Variants in LAMA2 observed in about 807,000 individuals in gnomAD.
LAMA2 encodes laminin subunit alpha-2.
A neutral mutation model predicts 364.8 loss-of-function variants in LAMA2; 269 were observed. That is an observed-to-expected ratio of 0.74 (90% CI 0.67 to 0.82). LAMA2 has a LOEUF of 0.82. LAMA2 is among the 40% of genes least tolerant of loss of function. The pLI, the probability that LAMA2 is intolerant of heterozygous loss-of-function variation, is 0.00. For synonymous variants in LAMA2, 1,379 were observed against 1,370.6 expected, an observed-to-expected ratio of 1.01 and a Z score of -0.14; for missense variants, 3,807 against 3,873.2, an observed-to-expected ratio of 0.98 and a Z score of 0.45.
intron 45 of LAMA2, 74 bp from the exon 46 acceptor site, chr6:129,452,914 G>C: frequency 6.2e-6 from 8 of 1,293,800 alleles, no homozygotes; most frequent in Non-Finnish European, 7.8e-6. Context: ...TGATGGCTTT[G>C]TGGTTGTATG....
At chr6:128,995,480 C>T (rs1783872566) in intron 1 of LAMA2, among the ~76,000 whole-genome samples, 1 of 152,156 alleles carries the variant, frequency 6.6e-6, no homozygotes, top group Admixed American at 6.5e-5. Context: ...TGCCACCACG[C>T]CTGGATAACT....
At chr6:128,929,570 T>C in intron 1 of LAMA2, 3 of 1,083,144 alleles carry the variant, frequency 2.8e-6, no homozygotes, top group Non-Finnish European at 4.3e-6. Context: ...TCATGAGACT[T>C]GATCCTGCAG....
chr6:129,150,733 TCAAGATGGGGATCTTAGCCATAAAGC>T (rs1463785050), intron 7 of LAMA2, among the ~76,000 whole-genome samples: 2 of 152,116 alleles, frequency 1.3e-5, no homozygotes, highest in African/African-American at 4.8e-5. Context: ...ACGCAGAAAT[TCAAGATGGGGATCTTAGCCATAAAGC>T]CATACATAAA....
At chr6:129,512,841 G>A (rs1786712186) in intron 63 of LAMA2, among the ~76,000 whole-genome samples, 1 of 152,134 alleles carries the variant, frequency 6.6e-6, no homozygotes, top group Non-Finnish European at 1.5e-5. Context: ...GACTCCAGTG[G>A]GAGAAAAGGC....
At chr6:129,325,975 G>A (rs148591874) in intron 28 of LAMA2, among the ~76,000 whole-genome samples, 1 of 152,088 alleles carries the variant, frequency 6.6e-6, no homozygotes, top group East Asian at 1.9e-4. Context: ...GAGTAGTTGG[G>A]ACTACAGACA....
intron 1 of LAMA2, among the ~76,000 whole-genome samples, chr6:128,949,836 A>G (rs1254984194): frequency 3.3e-5 from 5 of 152,200 alleles, no homozygotes; most frequent in Non-Finnish European, 7.3e-5. Flanking sequence ...ATAAGGGCAT[A>G]TATTTGGTGT....
chr6:129,305,067 A>G (rs1288657838), intron 22 of LAMA2, among the ~76,000 whole-genome samples: 4 of 152,096 alleles, frequency 2.6e-5, no homozygotes, highest in African/African-American at 7.2e-5. Context: ...CACTTCTCTC[A>G]GGTTTTATTC....
chr6:129,174,465 C>A (rs545155717), intron 9 of LAMA2, among the ~76,000 whole-genome samples: 3 of 150,894 alleles, frequency 2.0e-5, no homozygotes, highest in African/African-American at 7.3e-5. Flanking sequence ...ATATGGACTT[C>A]ATTTTCTTAT....
At chr6:129,301,422 G>A (rs1449095998) in intron 22 of LAMA2, among the ~76,000 whole-genome samples, 1 of 152,126 alleles carries the variant, frequency 6.6e-6, no homozygotes, top group Non-Finnish European at 1.5e-5. Context: ...TAAGGCTGTT[G>A]AAGAAATATT....
At chr6:129,375,025 C>T (rs758691058) in intron 34 of LAMA2, among the ~76,000 whole-genome samples, 13 of 152,004 alleles carry the variant, frequency 8.6e-5, no homozygotes, top group Non-Finnish European at 1.9e-4. Context: ...TCTTTAAGGG[C>T]TTTTATATTT....
At position 129,383,215 on chromosome 6, in the gene LAMA2, C is replaced by T. The variant is rs751108067; in HGVS notation, c.5053C>T (p.Leu1685Phe). 4.3e-6 allele frequency: 7 copies of T among 1,612,774 alleles called. No homozygotes were observed. The highest frequency in any genetic ancestry group is 5.9e-6 in the Non-Finnish European group (7 of 1,179,166). ...GTCCCTGGGAGAATTCATTAAGGAG[C>T]TTGCCCGGGATGCAGAAGGTATTAG... ...AKSLGEFIKE[L>F]ARDAEAVNEK... The change falls in exon 35 of 65, where the codon CTT becomes TTT. Residue 1685 changes from leucine to phenylalanine, a missense_variant. By Grantham distance (22) the Leu-to-Phe change is conservative. Around this residue, in one of 3 missense-constraint regions of LAMA2, gnomAD observed 3,333 missense variants for 3,345.7 expected, o/e 1.00. Transcript: ENST00000421865.
intron 1 of LAMA2, among the ~76,000 whole-genome samples, chr6:128,937,852 A>G (rs866838587): frequency 2.1e-5 from 3 of 142,234 alleles, no homozygotes; most frequent in Non-Finnish European, 3.1e-5. Context: ...TTTTTTTCCT[A>G]TTTCCTTGAG....
At chr6:129,243,002 A>G (rs938004861) in intron 12 of LAMA2, among the ~76,000 whole-genome samples, 3 of 152,156 alleles carry the variant, frequency 2.0e-5, no homozygotes, top group Admixed American at 1.3e-4. Context: ...AAGTGTGCTC[A>G]AATGGATCTG....
chr6:129,430,170 A>G (rs548737695), intron 41 of LAMA2, among the ~76,000 whole-genome samples: 2 of 152,338 alleles, frequency 1.3e-5, no homozygotes, highest in East Asian at 1.9e-4. Flanking sequence ...AATGCCATAT[A>G]TTACTACCAG....
chr6:129,010,448 G>A (rs1056426534), intron 1 of LAMA2, among the ~76,000 whole-genome samples: 5 of 152,182 alleles, frequency 3.3e-5, no homozygotes, highest in African/African-American at 1.2e-4. Context: ...TAGTGGATTT[G>A]AGGAAATCAA....
At chr6:129,237,331 CTGTTGTTGT>C (rs75386790) in intron 12 of LAMA2, among the ~76,000 whole-genome samples, 1 of 150,440 alleles carries the variant, frequency 6.6e-6, no homozygotes, top group Non-Finnish European at 1.5e-5. Flanking sequence ...CATTGTTTTT[CTGTTGTTGT>C]TGTTGTTGTT....
rs867117520 is a variant in LAMA2 at position 129,039,691 on chromosome 6, C to G, written c.113-10227C>G. On this transcript the variant is annotated intron_variant, in intron 1 of 64. Coordinates refer to ENST00000421865, the MANE Select transcript of LAMA2 (RefSeq NM_000426.4). ...TGACAGGGATAGGGGTGGATGGTTT[C>G]AGGATGAAACTGTTCCACCTCAGAT... Among the ~76,000 whole-genome samples the G allele has an allele frequency of 5.3e-5, 8 of 152,250 alleles. No individual in the cohort carries two copies. The South Asian group carries it at 1.2e-3, about 24-fold the overall frequency.
intron 1 of LAMA2, among the ~76,000 whole-genome samples, chr6:128,992,768 C>T (rs1783684586): frequency 1.3e-5 from 2 of 152,120 alleles, no homozygotes; most frequent in Admixed American, 6.6e-5. Context: ...TTGTTTTGTG[C>T]TTTGACATTT....
At chr6:129,147,354 A>G (rs1778527507) in intron 6 of LAMA2, among the ~76,000 whole-genome samples, 2 of 150,854 alleles carry the variant, frequency 1.3e-5, no homozygotes, top group Admixed American at 1.3e-4. Flanking sequence ...ATAGCTTTAG[A>G]GAACGCCTGC....
Sources: gnomAD v4.1 joint callset for allele counts (sites outside exome capture counted in the v4.1 genomes callset) on GRCh38, gnomAD v4.1.1 for gene constraint, gnomAD v4.1.1 regional missense constraint, MANE v1.5 for transcripts, NCBI Gene and HGNC (gene_info 2026-07-23, HGNC 2026-07-21) for gene names.